The following KSR1 variants were observed in gnomAD, a reference collection of about 807,000 sequenced individuals.
KSR1 encodes kinase suppressor of ras.
KSR1 carries 35 observed loss-of-function variants against 92.9 expected under a neutral mutation model. The observed-to-expected ratio is 0.38, with a 90% CI of 0.29 to 0.50. The LOEUF (loss-of-function observed/expected upper bound fraction) is 0.50, where lower values mean the gene tolerates loss of function less well. Among genes scored for constraint, KSR1 ranks in the 20% least tolerant of loss-of-function variants. The probability of loss-of-function intolerance (pLI) is 0.94; values close to 1 mark genes in which losing one functional copy is unlikely to be tolerated. For synonymous variants in KSR1, 467 were observed against 472.6 expected, an observed-to-expected ratio of 0.99 and a Z score of 0.15; for missense variants, 972 against 1,158.5, an observed-to-expected ratio of 0.84 and a Z score of 2.34.
chr17:27,509,782 G>A (rs534689982), intron 1 of KSR1, among the ~76,000 whole-genome samples: 2 of 152,370 alleles, frequency 1.3e-5, no homozygotes, highest in South Asian at 2.1e-4. Flanking sequence ...TGAGGCTGCA[G>A]TGAGTTGTGT....
intron 1 of KSR1, among the ~76,000 whole-genome samples, chr17:27,522,065 G>T (rs756433318): frequency 6.6e-6 from 1 of 152,118 alleles, no homozygotes; most frequent in Non-Finnish European, 1.5e-5. Flanking sequence ...TTTTGTTACA[G>T]CCATTCTTAT....
chr17:27,560,342 C>G (rs1412256731), intron 2 of KSR1: 1 of 505,674 alleles, frequency 2.0e-6, no homozygotes, highest in Non-Finnish European at 3.9e-6. Flanking sequence ...CTGAGCAGTT[C>G]TAGCTGGGAG....
At chr17:27,600,294 G>A (rs2073508787) in intron 10 of KSR1, among the ~76,000 whole-genome samples, 1 of 151,876 alleles carries the variant, frequency 6.6e-6, no homozygotes, top group Non-Finnish European at 1.5e-5. Flanking sequence ...AATTAGCCAG[G>A]CATGGTGGTG....
intron 18 of KSR1, among the ~76,000 whole-genome samples, chr17:27,614,856 C>T (rs552887530): frequency 1.8e-4 from 28 of 152,262 alleles, no homozygotes; most frequent in African/African-American, 6.3e-4. Flanking sequence ...CCAGTCTTGC[C>T]TTCCCTTTTT....
At chr17:27,463,178 C>T (rs1332564245) in intron 1 of KSR1, among the ~76,000 whole-genome samples, 2 of 152,172 alleles carry the variant, frequency 1.3e-5, no homozygotes, top group Non-Finnish European at 2.9e-5. Flanking sequence ...TATCCATTTG[C>T]CACTGCATCT....
Position 27,604,712 on chromosome 17 carries a change from A to C in KSR1, c.1598A>C (p.Glu533Ala), listed in dbSNP as rs1392328349. ...LDDQPKADVL[E>A]AHEAEAEEPE... ...GACCAGCCGAAAGCAGATGTGTTGG[A>C]AGCTCACGAAGCGGAGGTGAGGGTG... The change falls in exon 13 of 21, where the codon GAA becomes GCA. Residue 533 changes from glutamate (E) to alanine (A), a missense_variant. Glu to Ala is a moderately radical substitution (Grantham distance 107, BLOSUM62 -1). Around this residue, in one of 5 missense-constraint regions of KSR1, gnomAD observed 611 missense variants for 668.0 expected, o/e 0.91. Transcript: ENST00000644974. 2 of 1,614,032 alleles carry C rather than the reference A, an allele frequency of 1.2e-6. No homozygotes were observed. The highest frequency in any genetic ancestry group is 1.7e-6 in the Non-Finnish European group (2 of 1,179,896).
chr17:27,460,755 TC>T (rs2019396410), intron 1 of KSR1, among the ~76,000 whole-genome samples: 1 of 152,000 alleles, frequency 6.6e-6, no homozygotes, highest in Admixed American at 6.5e-5. Flanking sequence ...CCCAGGAGCA[TC>T]TGATGATGGA....
intron 1 of KSR1, among the ~76,000 whole-genome samples, chr17:27,545,783 G>A (rs1179094632): frequency 1.3e-5 from 2 of 152,212 alleles, no homozygotes; most frequent in African/African-American, 4.8e-5. Flanking sequence ...TGCTTAGCAG[G>A]GGACCGAGTG....
At chr17:27,587,797 G>C (rs1044357431) in intron 5 of KSR1, 14 of 152,364 alleles carry the variant, frequency 9.2e-5, no homozygotes, top group Admixed American at 5.2e-4. Flanking sequence ...CCTCCGGAAG[G>C]CCAGCAGCAG....
rs1369076965 is a variant in KSR1, at chr17:27,459,382, T to C, written c.231+2508T>C. On this transcript the variant is annotated intron_variant, in intron 1 of 20. Transcript: ENST00000644974. This position sits in a 1 kb window ranked among gnomAD's most constrained non-coding sequence, Gnocchi z 4.6. ...TAGGGAAACTTAACCCCCTACTTTATGGGTTCAGTAAATCTGGATTTTAGG... is the reference window on the plus strand; with the variant it reads ...TAGGGAAACTTAACCCCCTACTTTACGGGTTCAGTAAATCTGGATTTTAGG... Among the ~76,000 whole-genome samples the C allele has an allele frequency of 6.6e-6, 1 of 152,206 alleles. No homozygotes were observed. The highest frequency in any genetic ancestry group is 2.1e-4 in the South Asian group (1 of 4,828).
Position 27,583,087 on chromosome 17 carries a change from A to G in KSR1, c.962A>G (p.Asp321Gly). ...SHESQLGNRI[D>G]DVSSMRFDLS... ...GAGTCTCAGCTGGGGAACCGCATTG[A>G]TGACGTCTCCTCGATGAGGTGAGTG... The change falls in exon 4 of 21, where the codon GAT becomes GGT. Residue 321 changes from aspartate (D) to glycine (G), a missense_variant. Asp to Gly is a moderately conservative substitution (Grantham distance 94). Around this residue, in one of 5 missense-constraint regions of KSR1, gnomAD observed 611 missense variants for 668.0 expected, o/e 0.91. Coordinates refer to ENST00000644974, the MANE Select transcript of KSR1 (RefSeq NM_001394583.1). 1.9e-6 allele frequency: 3 copies of G among 1,571,628 alleles called. No homozygotes were observed. The highest frequency in any genetic ancestry group is 1.7e-6 in the Non-Finnish European group (2 of 1,156,226).
rs2074328437 is a variant in KSR1 at position 27,625,809 on chromosome 17, A to T, written c.*2417A>T. 6.6e-6 allele frequency: 1 copy of T among 152,238 alleles called. No individual in the cohort carries two copies. The highest frequency in any genetic ancestry group is 2.4e-5 in the African/African-American group (1 of 41,454). 9.4% of individuals were successfully genotyped at this position (152,238 alleles called of 1,614,324 possible). A position where few individuals can be genotyped will look rare whatever the true frequency, so the allele number is the denominator to read the frequency against. ...GCTCTTAGGGGCTGCGGAAGTCCCC[A>T]CGGGGGTCTGAGAGTGGAGCCCAAG... On this transcript the variant is annotated 3_prime_UTR_variant, in exon 21 of 21. Transcript: ENST00000644974.
chr17:27,545,914 T>C lies in KSR1; in HGVS notation c.232-4654T>C, dbSNP rs1217156839. ...TGTTGGCCTGTGGTGGCGAAAGTCTTGTGCAAATGGCATATGTTAGGAATC... is the reference window on the plus strand; with the variant it reads ...TGTTGGCCTGTGGTGGCGAAAGTCTCGTGCAAATGGCATATGTTAGGAATC... On this transcript the variant is annotated intron_variant, in intron 1 of 20. Transcript: ENST00000644974. Among the ~76,000 whole-genome samples the C allele has an allele frequency of 2.6e-5, 4 of 152,216 alleles. No individual in the cohort carries two copies. In the South Asian group the frequency reaches 6.2e-4, roughly 24 times the overall value.
intron 10 of KSR1, among the ~76,000 whole-genome samples, chr17:27,599,629 C>G (rs1009019974): frequency 6.6e-6 from 1 of 152,152 alleles, no homozygotes; most frequent in African/African-American, 2.4e-5. Flanking sequence ...TTCCTGTACA[C>G]TATTGTAGAC....
chr17:27,507,637 T>G (rs1466655326), intron 1 of KSR1, among the ~76,000 whole-genome samples: 1 of 122,070 alleles, frequency 8.2e-6, no homozygotes, highest in Non-Finnish European at 1.6e-5. Context: ...AGTGCAATGG[T>G]GCGATCTTGG....
intron 1 of KSR1, among the ~76,000 whole-genome samples, chr17:27,508,103 AGTGTTCACTGTGGCAGCCAC>A (rs1160963895): frequency 1.3e-5 from 2 of 152,134 alleles, no homozygotes; most frequent in Non-Finnish European, 2.9e-5. Context: ...TGCCCTGGGC[AGTGTTCACTGTGGCAGCCAC>A]CCTGCTAATA....
At chr17:27,480,214 C>A (rs1181972083) in intron 1 of KSR1, among the ~76,000 whole-genome samples, 1 of 152,140 alleles carries the variant, frequency 6.6e-6, no homozygotes, top group Admixed American at 6.5e-5. Flanking sequence ...CCTCCCCTTG[C>A]CTCCACTCCC....
intron 1 of KSR1, among the ~76,000 whole-genome samples, chr17:27,504,517 AC>A (rs1258605966): frequency 6.6e-6 from 1 of 151,906 alleles, no homozygotes; most frequent in African/African-American, 2.4e-5. Flanking sequence ...GCCGGCAGAG[AC>A]CCTGGAGCCT....
At chr17:27,611,988 CA>C (rs2151251215) in intron 18 of KSR1, among the ~76,000 whole-genome samples, 1 of 151,936 alleles carries the variant, frequency 6.6e-6, no homozygotes, top group African/African-American at 2.4e-5. Flanking sequence ...GCTGAAAATA[CA>C]AATAGTTGTG....
Sources: allele counts gnomAD v4.1 joint callset (sites outside exome capture counted in the v4.1 genomes callset), GRCh38; gene constraint gnomAD v4.1.1; regional missense constraint gnomAD v4.1.1; non-coding constraint Gnocchi (gnomAD v3.1); transcripts MANE v1.5; gene names NCBI Gene and HGNC (gene_info 2026-07-23, HGNC 2026-07-21).